Variants in ENTREP2 observed in about 807,000 individuals in gnomAD.
ENTREP2 encodes endosomal transmembrane epsin interactor 2, also known as protein ENTREP2.
At chr15:29,225,416 A>G in the ENTREP2 span, among the ~76,000 whole-genome samples, 49,797 of 152,192 alleles carry the variant, frequency 0.33, 9,635 homozygotes, top group East Asian at 0.6. Flanking sequence ...CCGAGTCCAT[A>G]TAGCTGTGAC....
At chr15:29,669,453 C>T in the ENTREP2 span, among the ~76,000 whole-genome samples, 1 of 152,192 alleles carries the variant, frequency 6.6e-6, no homozygotes, top group African/African-American at 2.4e-5. Flanking sequence ...GCAAGAAGCC[C>T]TCACCAGATG....
the ENTREP2 span, among the ~76,000 whole-genome samples, chr15:29,281,835 C>T: frequency 1.8e-4 from 27 of 152,320 alleles, no homozygotes; most frequent in East Asian, 4.8e-3. Flanking sequence ...CGTGCCAACC[C>T]ACTCCACCTG....
chr15:29,571,835 G>C, the ENTREP2 span, among the ~76,000 whole-genome samples: 24 of 152,256 alleles, frequency 1.6e-4, no homozygotes, highest in South Asian at 8.3e-4. Context: ...GACTCTGCTT[G>C]TGTTGAAAAG....
the ENTREP2 span, among the ~76,000 whole-genome samples, chr15:29,283,455 T>C: frequency 6.8e-3 from 1,036 of 152,214 alleles, 16 homozygotes; most frequent in African/African-American, 0.023. Context: ...CTCAAGTGAT[T>C]CTCCTGTCTC....
At chr15:29,361,291 T>A in the ENTREP2 span, among the ~76,000 whole-genome samples, 6 of 152,196 alleles carry the variant, frequency 3.9e-5, no homozygotes, top group Non-Finnish European at 7.3e-5. Flanking sequence ...GCTTTAGCAA[T>A]TACCCTTGTA....
the ENTREP2 span, among the ~76,000 whole-genome samples, chr15:29,129,420 C>A: frequency 1.3e-5 from 2 of 152,226 alleles, no homozygotes; most frequent in South Asian, 4.1e-4. Context: ...GGCCACAGAG[C>A]CACCTGAGCC....
chr15:29,340,535 G>A, the ENTREP2 span, among the ~76,000 whole-genome samples: 1 of 152,124 alleles, frequency 6.6e-6, no homozygotes, highest in Non-Finnish European at 1.5e-5. Context: ...CAGCCTCACT[G>A]GGAATGCTGG....
chr15:29,580,307 C>A, the ENTREP2 span, among the ~76,000 whole-genome samples: 3 of 152,070 alleles, frequency 2.0e-5, no homozygotes, highest in Non-Finnish European at 4.4e-5. Flanking sequence ...TGTCACACTG[C>A]CTTAGTAAAA....
the ENTREP2 span, among the ~76,000 whole-genome samples, chr15:29,638,052 C>T: frequency 7.2e-5 from 11 of 152,332 alleles, no homozygotes; most frequent in Non-Finnish European, 1.6e-4. Flanking sequence ...CACCTAACTG[C>T]GTTGACCTTC....
At chr15:29,578,874 CT>C in the ENTREP2 span, among the ~76,000 whole-genome samples, 1 of 152,056 alleles carries the variant, frequency 6.6e-6, no homozygotes, top group African/African-American at 2.4e-5. Flanking sequence ...TGAAAAACCC[CT>C]GAGAAGTAAA....
chr15:29,476,474 A>G, the ENTREP2 span, among the ~76,000 whole-genome samples: 3 of 152,244 alleles, frequency 2.0e-5, no homozygotes, highest in Admixed American at 6.5e-5. Flanking sequence ...CTGCTGCTGC[A>G]GACACCAAGG....
chr15:29,503,621 A>T, the ENTREP2 span, among the ~76,000 whole-genome samples: 1 of 152,224 alleles, frequency 6.6e-6, no homozygotes, highest in Non-Finnish European at 1.5e-5. Context: ...AAAAGAAGTA[A>T]GGATAATAAA....
At chr15:29,365,458 G>A in the ENTREP2 span, among the ~76,000 whole-genome samples, 3 of 151,692 alleles carry the variant, frequency 2.0e-5, no homozygotes, top group African/African-American at 7.3e-5. Flanking sequence ...TCACCACATT[G>A]GCCAGGCTAG....
At chr15:29,228,912 C>T in the ENTREP2 span, among the ~76,000 whole-genome samples, 1 of 152,098 alleles carries the variant, frequency 6.6e-6, no homozygotes, top group South Asian at 2.1e-4. Context: ...TAACTATATC[C>T]TTAGCTATCA....
the ENTREP2 span, among the ~76,000 whole-genome samples, chr15:29,657,353 G>A: frequency 1.7e-4 from 25 of 146,734 alleles, no homozygotes; most frequent in South Asian, 1.1e-3. Flanking sequence ...TCTCAAAGAC[G>A]GCAGTGTTAC....
chr15:29,576,073 T>G, the ENTREP2 span, among the ~76,000 whole-genome samples: 2 of 152,192 alleles, frequency 1.3e-5, no homozygotes, highest in East Asian at 3.8e-4. Flanking sequence ...CTTCTAGATT[T>G]CAAAACTTAC....
chr15:29,474,775 G>A, the ENTREP2 span, among the ~76,000 whole-genome samples: 2 of 152,084 alleles, frequency 1.3e-5, no homozygotes, highest in East Asian at 2.0e-4. Context: ...GGCTGGTCTC[G>A]AACTCCTGAC....
the ENTREP2 span, among the ~76,000 whole-genome samples, chr15:29,363,678 A>G: frequency 6.6e-6 from 1 of 152,226 alleles, no homozygotes; most frequent in African/African-American, 2.4e-5. Context: ...ACTGCAGTGG[A>G]GAAAAACAAA....
chr15:29,601,299 T>C, the ENTREP2 span, among the ~76,000 whole-genome samples: 2 of 152,222 alleles, frequency 1.3e-5, no homozygotes. Context: ...AAAACTGATA[T>C]TTGATTATGC....
Sources: gnomAD v4.1 joint callset for allele counts (sites outside exome capture counted in the v4.1 genomes callset) on GRCh38, gnomAD v4.1.1 for gene constraint, MANE v1.5 for transcripts, NCBI Gene and HGNC (gene_info 2026-07-23, HGNC 2026-07-21) for gene names.